Variants in ZNF705A observed in about 807,000 individuals in gnomAD.
ZNF705A encodes the protein zinc finger protein 705A.
ZNF705A carries 8 observed loss-of-function variants against 16.6 expected under a neutral mutation model. The ratio of observed to expected loss-of-function variants is 0.48; its 90% CI spans 0.28 to 0.87. ZNF705A has a LOEUF of 0.87. Among genes scored for constraint, ZNF705A ranks in the 40% least tolerant of loss-of-function variants. The probability of loss-of-function intolerance (pLI) is 0.10; values close to 1 mark genes in which losing one functional copy is unlikely to be tolerated. For missense variants in ZNF705A, 233 were observed against 359.9 expected, an observed-to-expected ratio of 0.65 and a Z score of 2.85; for synonymous variants, 73 against 117.3, an observed-to-expected ratio of 0.62 and a Z score of 2.44.
intron 2 of ZNF705A, among the ~76,000 whole-genome samples, chr12:8,175,018 T>G (rs1948474581): frequency 6.6e-6 from 1 of 152,198 alleles, no homozygotes; most frequent in Non-Finnish European, 1.5e-5. Flanking sequence ...TGTTTTGAAT[T>G]TCCTTTTCCT....
intron 1 of ZNF705A, among the ~76,000 whole-genome samples, chr12:8,157,432 G>A (rs1168839732): frequency 1.3e-5 from 2 of 152,036 alleles, no homozygotes; most frequent in East Asian, 1.9e-4. Context: ...TAGGCTGCCT[G>A]AGGGGGAAAA....
intron 1 of ZNF705A, among the ~76,000 whole-genome samples, chr12:8,163,740 C>T (rs967313160): frequency 6.6e-5 from 10 of 152,224 alleles, no homozygotes; most frequent in Non-Finnish European, 1.0e-4. Flanking sequence ...ACGCAGGCCC[C>T]TTCCAGCTCT....
chr12:8,165,066 C>T (rs900634147), intron 1 of ZNF705A, among the ~76,000 whole-genome samples: 25 of 152,238 alleles, frequency 1.6e-4, no homozygotes, highest in Non-Finnish European at 3.4e-4. Flanking sequence ...ATTTGTATAT[C>T]CACCACAAGT....
chr12:8,168,084 C>G (rs889563136), upstream of ZNF705A, among the ~76,000 whole-genome samples: 2 of 152,190 alleles, frequency 1.3e-5, no homozygotes, highest in Admixed American at 1.3e-4. Context: ...CCATCTGAAG[C>G]TTTCTTTCCT....
At chr12:8,162,299 C>G (rs1442239090) in intron 1 of ZNF705A, among the ~76,000 whole-genome samples, 3 of 152,116 alleles carry the variant, frequency 2.0e-5, no homozygotes, top group Non-Finnish European at 4.4e-5. Context: ...GTTGTTTGCA[C>G]TAAATCAAGT....
upstream of ZNF705A, among the ~76,000 whole-genome samples, chr12:8,172,067 G>C (rs11043734): frequency 0.021 from 3,136 of 151,650 alleles, 123 homozygotes; most frequent in African/African-American, 0.073. Context: ...ATTATTTCCA[G>C]GTTCCAAGGG....
intron 1 of ZNF705A, among the ~76,000 whole-genome samples, chr12:8,164,256 C>T (rs775669860): frequency 6.6e-6 from 1 of 152,164 alleles, no homozygotes; most frequent in East Asian, 1.9e-4. Context: ...AGCACCAGGG[C>T]CCCTGGCAAC....
At chr12:8,173,019 A>C (rs1948456751) in intron 1 of ZNF705A, among the ~76,000 whole-genome samples, 1 of 152,240 alleles carries the variant, frequency 6.6e-6, no homozygotes, top group Non-Finnish European at 1.5e-5. Context: ...TTGACCCATT[A>C]ACTGTACTGT....
At chr12:8,160,122 T>A (rs1185954007) in intron 1 of ZNF705A, among the ~76,000 whole-genome samples, 1 of 152,204 alleles carries the variant, frequency 6.6e-6, no homozygotes, top group East Asian at 1.9e-4. Context: ...TTGTTGAAGA[T>A]CAGTTGACTG....
chr12:8,161,597 A>G (rs2120698783), intron 1 of ZNF705A, among the ~76,000 whole-genome samples: 1 of 152,306 alleles, frequency 6.6e-6, no homozygotes, highest in African/African-American at 2.4e-5. Flanking sequence ...AGGTGTTCAT[A>G]GTAGCCTTGA....
At chr12:8,157,821 T>TA (rs1341975676) in intron 1 of ZNF705A, among the ~76,000 whole-genome samples, 5 of 152,124 alleles carry the variant, frequency 3.3e-5, no homozygotes, top group African/African-American at 1.2e-4. Flanking sequence ...AAATTATAAT[T>TA]AGAGTTTTCT....
intron 1 of ZNF705A, among the ~76,000 whole-genome samples, chr12:8,166,181 C>A (rs1367130064): frequency 6.6e-6 from 1 of 152,114 alleles, no homozygotes; most frequent in Non-Finnish European, 1.5e-5. Context: ...CCAGTGTGGA[C>A]TCTGTGGGGG....
chr12:8,170,920 G>T (rs1948440418), upstream of ZNF705A, among the ~76,000 whole-genome samples: 1 of 152,180 alleles, frequency 6.6e-6, no homozygotes, highest in African/African-American at 2.4e-5. Context: ...AATGATGTTT[G>T]GGAATTGGGG....
intron 1 of ZNF705A, among the ~76,000 whole-genome samples, chr12:8,162,463 A>G (rs1948363841): frequency 6.6e-6 from 1 of 152,166 alleles, no homozygotes; most frequent in South Asian, 2.1e-4. Flanking sequence ...TAATCCAAGT[A>G]CTAGAGAACT....
At chr12:8,171,095 A>G (rs761744891), upstream of ZNF705A, among the ~76,000 whole-genome samples, 2 of 152,358 alleles carry the variant, frequency 1.3e-5, no homozygotes, top group African/African-American at 4.8e-5. Context: ...TTGATCATTT[A>G]TTAAATTGGT....
chr12:8,177,426 C>T (rs1207579123), exon 5 of ZNF705A: 2 of 1,612,052 alleles, frequency 1.2e-6, no homozygotes, highest in Non-Finnish European at 1.7e-6. Context: ...CATGAGAGAA[C>T]TCACCTTGGA....
chr12:8,177,167 A>G (rs1173843975), exon 5 of ZNF705A: 1 of 1,612,030 alleles, frequency 6.2e-7, no homozygotes, highest in East Asian at 2.2e-5. Flanking sequence ...TAAACCACAT[A>G]AACAAATTCA....
At chr12:8,175,005 G>A (rs1316098993) in intron 2 of ZNF705A, among the ~76,000 whole-genome samples, 1 of 152,150 alleles carries the variant, frequency 6.6e-6, no homozygotes, top group Non-Finnish European at 1.5e-5. Context: ...CATAGGTCCT[G>A]ACTGTTTTGA....
intron 1 of ZNF705A, among the ~76,000 whole-genome samples, chr12:8,157,659 C>A (rs116592898): frequency 0.014 from 2,104 of 152,238 alleles, 45 homozygotes; most frequent in African/African-American, 0.048. Flanking sequence ...AAAATGGTTT[C>A]TATCATGCTC....
Sources: allele counts gnomAD v4.1 joint callset (sites outside exome capture counted in the v4.1 genomes callset), GRCh38; gene constraint gnomAD v4.1.1; transcripts MANE v1.5; gene names NCBI Gene and HGNC (gene_info 2026-07-23, HGNC 2026-07-21).